MTUS1: variants seen among roughly 807,000 people sequenced by gnomAD.
The protein encoded by MTUS1 is microtubule associated scaffold protein 1.
MTUS1 carries 109 observed loss-of-function variants against 120.8 expected under a neutral mutation model. That is an observed-to-expected ratio of 0.90 (90% CI 0.77 to 1.06). The LOEUF is 1.06. MTUS1 is among the 50% of genes least tolerant of loss of function. The pLI is 0.00. For synonymous variants in MTUS1, 737 were observed against 550.5 expected (o/e 1.34, Z -4.74); for missense variants, 2,210 against 1,486.3 (o/e 1.49, Z -8.01).
chr8:17,744,790 G>A (rs945100608), intron 2 of MTUS1, among the ~76,000 whole-genome samples: 13 of 147,946 alleles, frequency 8.8e-5, no homozygotes, highest in East Asian at 6.1e-4. Flanking sequence ...GTGATCTGCC[G>A]CCTCGGCCTC....
In MTUS1 at chr8:17,722,542, G is replaced by C. The variant is rs976675066; in HGVS notation, c.2449+1130C>G. 1.2e-5 allele frequency: 12 copies of C among 985,220 alleles called. No homozygotes were observed. In the African/African-American group the frequency reaches 1.9e-4, roughly 16 times the overall value. 61.0% of individuals were successfully genotyped at this position (985,220 alleles called of 1,614,324 possible). On this transcript the variant is annotated intron_variant, in intron 4 of 14. Transcript: ENST00000693296. ...GCAAGTCACATATCCCAGTATTCCTGAAGTGCCAGGGTATGCAGCTACTTA... is the reference window on the plus strand; with the variant it reads ...GCAAGTCACATATCCCAGTATTCCTCAAGTGCCAGGGTATGCAGCTACTTA...
chr8:17,732,021 G>A (rs1029958260), intron 3 of MTUS1, among the ~76,000 whole-genome samples: 1 of 152,238 alleles, frequency 6.6e-6, no homozygotes, highest in Non-Finnish European at 1.5e-5. Flanking sequence ...TGCTGCATGG[G>A]TGTCCCCATG....
intron 2 of MTUS1, among the ~76,000 whole-genome samples, chr8:17,753,029 A>C (rs1261466611): frequency 1.3e-5 from 2 of 152,182 alleles, no homozygotes; most frequent in African/African-American, 2.4e-5. Flanking sequence ...GTCCCCCCCA[A>C]ATATTTTAGA....
intron 3 of MTUS1, chr8:17,724,177 TAAAC>T: frequency 6.5e-6 from 3 of 461,410 alleles, no homozygotes; most frequent in South Asian, 4.8e-5. Context: ...AATAAAAAAA[TAAAC>T]AAATTGATAC....
intron 8 of MTUS1, among the ~76,000 whole-genome samples, chr8:17,658,075 T>C (rs1466428530): frequency 1.9e-5 from 2 of 103,470 alleles, no homozygotes; most frequent in African/African-American, 5.7e-5. Context: ...TCTTGCTGTA[T>C]TGCCCAGGCT....
intron 1 of MTUS1, among the ~76,000 whole-genome samples, chr8:17,767,342 G>A (rs1563357178): frequency 6.6e-6 from 1 of 151,760 alleles, no homozygotes; most frequent in South Asian, 2.1e-4. Context: ...ATATATGAAT[G>A]TATTGTTTTT....
At chr8:17,690,380 A>G (rs1236307348) in intron 6 of MTUS1, among the ~76,000 whole-genome samples, 1 of 152,214 alleles carries the variant, frequency 6.6e-6, no homozygotes, top group Non-Finnish European at 1.5e-5. Context: ...AAAGTCAAAA[A>G]ACCACAGATG....
chr8:17,778,722 T>A (rs938553433), intron 1 of MTUS1, among the ~76,000 whole-genome samples: 1 of 151,962 alleles, frequency 6.6e-6, no homozygotes, highest in African/African-American at 2.4e-5. Context: ...AGTGGGAGGA[T>A]CGTTTGGGCC....
intron 1 of MTUS1, among the ~76,000 whole-genome samples, chr8:17,771,704 T>C (rs2050036812): frequency 6.6e-6 from 1 of 152,186 alleles, no homozygotes; most frequent in Non-Finnish European, 1.5e-5. Context: ...TCTCTTGAAA[T>C]TAAATACAAC....
chr8:17,800,591 A>T (rs2052603533), intron 1 of MTUS1: 1 of 152,230 alleles, frequency 6.6e-6, no homozygotes, highest in Non-Finnish European at 1.5e-5. Flanking sequence ...GTAGTCAATA[A>T]GGTCACCTTA....
At chr8:17,685,828 T>C (rs1206275447) in intron 6 of MTUS1, among the ~76,000 whole-genome samples, 8 of 152,222 alleles carry the variant, frequency 5.3e-5, no homozygotes, top group African/African-American at 1.7e-4. Context: ...TAATACTTGA[T>C]GAGAGGAAGT....
chr8:17,703,650 G>C (rs1819562068), intron 6 of MTUS1, among the ~76,000 whole-genome samples: 2 of 148,246 alleles, frequency 1.3e-5, no homozygotes, highest in Non-Finnish European at 3.0e-5. Flanking sequence ...AAAAAGGACT[G>C]AGAGAGATAC....
intron 1 of MTUS1, among the ~76,000 whole-genome samples, chr8:17,772,794 C>T (rs1015716001): frequency 6.6e-6 from 1 of 152,036 alleles, no homozygotes; most frequent in Non-Finnish European, 1.5e-5. Flanking sequence ...ATTTCTGAAA[C>T]AATCACCTGT....
Position 17,755,193 on chromosome 8 carries a change from A to G in MTUS1, c.615T>C (p.Tyr205=). ...CAGAATGGGAAGATGTCCAAGTGGA[A>G]TAGGATAAAGAAGATGTACTTCCAC... The part of the protein sequence containing the change: ...RRSGSTSSLS[Y]STWTSSHSDK... Residue 205 remains tyrosine (Y), a synonymous_variant, in exon 2 of 15, where the codon TAT becomes TAC. Coordinates refer to ENST00000693296, the MANE Select transcript of MTUS1 (RefSeq NM_001363059.2). 1.2e-6 allele frequency: 2 copies of G among 1,614,206 alleles called. No homozygotes were observed. The highest frequency in any genetic ancestry group is 1.7e-6 in the Non-Finnish European group (2 of 1,180,034).
intron 7 of MTUS1, among the ~76,000 whole-genome samples, chr8:17,680,052 A>G (rs1814025637): frequency 6.6e-6 from 1 of 152,208 alleles, no homozygotes; most frequent in Admixed American, 6.5e-5. Context: ...TTAAAAAGCA[A>G]AAACAAGCAT....
chr8:17,662,986 T>C (rs1364844352), intron 8 of MTUS1, among the ~76,000 whole-genome samples: 1 of 152,180 alleles, frequency 6.6e-6, no homozygotes, highest in Non-Finnish European at 1.5e-5. Context: ...ATTTTCACTC[T>C]GCAATGAATC....
intron 8 of MTUS1, among the ~76,000 whole-genome samples, chr8:17,662,988 C>A (rs1032776608): frequency 6.6e-6 from 1 of 152,118 alleles, no homozygotes; most frequent in South Asian, 2.1e-4. Context: ...TTTCACTCTG[C>A]AATGAATCAC....
At chr8:17,721,440 A>G (rs761346142) in intron 4 of MTUS1, among the ~76,000 whole-genome samples, 3 of 152,212 alleles carry the variant, frequency 2.0e-5, no homozygotes, top group Non-Finnish European at 4.4e-5. Flanking sequence ...TAAACCATCA[A>G]AAAGTCTTTG....
chr8:17,720,578 G>C (rs2045758472), intron 4 of MTUS1, among the ~76,000 whole-genome samples: 1 of 152,046 alleles, frequency 6.6e-6, no homozygotes, highest in Non-Finnish European at 1.5e-5. Context: ...TATAAACATG[G>C]TTTTGTGGCC....
Sources: allele counts gnomAD v4.1 joint callset (sites outside exome capture counted in the v4.1 genomes callset), GRCh38; gene constraint gnomAD v4.1.1; transcripts MANE v1.5; gene names NCBI Gene and HGNC (gene_info 2026-07-23, HGNC 2026-07-21).